Variants in ARHGAP18 observed in about 807,000 individuals in gnomAD.
ARHGAP18 encodes rho GTPase-activating protein 18.
ARHGAP18 carries 67 observed loss-of-function variants against 86.2 expected under a neutral mutation model. The observed-to-expected ratio is 0.78, with a 90% CI of 0.64 to 0.95. The LOEUF (loss-of-function observed/expected upper bound fraction) is 0.95. Ranked by LOEUF, ARHGAP18 falls within the 40% of genes least tolerant of loss-of-function variation. The pLI, the probability that ARHGAP18 is intolerant of heterozygous loss-of-function variation, is 0.00. For missense variants in ARHGAP18, 691 were observed against 780.4 expected (o/e 0.89, Z 1.37); for synonymous variants, 283 against 280.4 (o/e 1.01, Z -0.09).
chr6:129,644,720 C>T (rs1274835840), intron 1 of ARHGAP18, among the ~76,000 whole-genome samples: 1 of 152,196 alleles, frequency 6.6e-6, no homozygotes, highest in Non-Finnish European at 1.5e-5. Flanking sequence ...TACATTAAGC[C>T]TTTCACTCCT....
At chr6:129,615,270 T>C (rs1245696630) in intron 7 of ARHGAP18, among the ~76,000 whole-genome samples, 1 of 152,222 alleles carries the variant, frequency 6.6e-6, no homozygotes, top group Non-Finnish European at 1.5e-5. Flanking sequence ...TCTCCATAGA[T>C]ACATGTTCTG....
At chr6:129,647,697 G>A (rs1773608973) in intron 1 of ARHGAP18, among the ~76,000 whole-genome samples, 1 of 151,526 alleles carries the variant, frequency 6.6e-6, no homozygotes, top group African/African-American at 2.4e-5. Context: ...GCAGTGGGGT[G>A]GGGGTTCTTC....
chr6:129,698,583 C>A (rs1774659294), intron 1 of ARHGAP18, among the ~76,000 whole-genome samples: 1 of 151,306 alleles, frequency 6.6e-6, no homozygotes, highest in Non-Finnish European at 1.5e-5. Context: ...TGCTCTTTCA[C>A]CCAGGCTGGA....
At chr6:129,592,866 T>C (rs1292024633) in intron 12 of ARHGAP18, among the ~76,000 whole-genome samples, 1 of 152,138 alleles carries the variant, frequency 6.6e-6, no homozygotes, top group Non-Finnish European at 1.5e-5. Context: ...CCTTTAAAAT[T>C]CTAAAAGGAA....
intron 1 of ARHGAP18, among the ~76,000 whole-genome samples, chr6:129,673,382 T>A (rs1308143183): frequency 4.7e-5 from 7 of 148,452 alleles, no homozygotes; most frequent in Admixed American, 2.0e-4. Flanking sequence ...TTAAATAGAG[T>A]AGCCAAATCA....
intron 5 of ARHGAP18, among the ~76,000 whole-genome samples, chr6:129,621,404 C>T (rs1789225953): frequency 6.6e-6 from 1 of 152,154 alleles, no homozygotes; most frequent in Non-Finnish European, 1.5e-5. Flanking sequence ...ATCAAATAAA[C>T]AGCAATGGAC....
intron 5 of ARHGAP18, among the ~76,000 whole-genome samples, chr6:129,625,160 T>TG (rs1789344715): frequency 3.8e-5 from 2 of 52,940 alleles, no homozygotes; most frequent in Admixed American, 3.3e-4. Context: ...TATATAGATA[T>TG]ATATTATATA....
chr6:129,659,191 T>C (rs1014181084), intron 1 of ARHGAP18, among the ~76,000 whole-genome samples: 1 of 152,230 alleles, frequency 6.6e-6, no homozygotes, highest in African/African-American at 2.4e-5. Context: ...AAGTGTTCAA[T>C]GACCACAGGT....
intron 3 of ARHGAP18, 61 bp from the exon 4 acceptor site, chr6:129,634,166 G>A: frequency 4.8e-6 from 7 of 1,455,060 alleles, no homozygotes; most frequent in South Asian, 1.2e-5. Context: ...AAATGGTACT[G>A]TAAATAATTT....
intron 2 of ARHGAP18, 88 bp downstream of exon 2, chr6:129,641,728 A>ATT (rs141525787): frequency 5.9e-4 from 679 of 1,154,120 alleles, no homozygotes; most frequent in South Asian, 9.6e-4. Context: ...CCTAGCTTTA[A>ATT]TTTTTTTTTT....
intron 9 of ARHGAP18, 91 bp downstream of exon 9, chr6:129,607,802 G>C: frequency 7.3e-7 from 1 of 1,362,132 alleles, no homozygotes; most frequent in Non-Finnish European, 9.7e-7. Context: ...AAATACGTCT[G>C]GTTGCGTTCT....
At chr6:129,646,954 T>G (rs977947814) in intron 1 of ARHGAP18, among the ~76,000 whole-genome samples, 2 of 152,138 alleles carry the variant, frequency 1.3e-5, no homozygotes, top group African/African-American at 2.4e-5. Flanking sequence ...GGTCTGAAAA[T>G]GCACGTTTCA....
chr6:129,618,837 T>C lies in ARHGAP18; in HGVS notation c.802A>G (p.Lys268Glu), dbSNP rs1393430789. 1.9e-6 allele frequency: 3 copies of C among 1,612,104 alleles called. No homozygotes were observed. Among genetic ancestry groups the C allele is most frequent in the East Asian group, 2.2e-5 (1 of 44,868 alleles). ...DATLPSFRLPKDKTGTTRIGD... is the reference protein window; with the variant it reads ...DATLPSFRLPEDKTGTTRIGD... ...ATCCTTGTGGTACCCGTTTTGTCTT[T>C]TGGCAATCTGAAACTCTAAAATAAA... The change falls in exon 6 of 15, where the codon AAA becomes GAA. Residue 268 changes from lysine (K) to glutamate (E), a missense_variant. Lys to Glu is a moderately conservative substitution (Grantham distance 56). Coordinates refer to ENST00000368149, the MANE Select transcript of ARHGAP18 (RefSeq NM_033515.3).
chr6:129,621,384 C>T (rs1281369129), intron 5 of ARHGAP18, among the ~76,000 whole-genome samples: 1 of 151,932 alleles, frequency 6.6e-6, no homozygotes, highest in African/African-American at 2.4e-5. Flanking sequence ...GTTTTTTTTC[C>T]TAGGAGAACA....
rs189120982 is a variant in ARHGAP18 at position 129,598,359 on chromosome 6, A to G, written c.1713+857T>C. ...AGAGAAAAACTTCGTTTTTATGATT[A>G]CTGGATCCATAAGCAGGCCAAAACC... On this transcript the variant is annotated intron_variant, in intron 12 of 14. Coordinates refer to ENST00000368149, the MANE Select transcript of ARHGAP18 (RefSeq NM_033515.3). Among the ~76,000 whole-genome samples, 9 of 152,336 alleles carry G rather than the reference A, an allele frequency of 5.9e-5. No individual in the cohort carries two copies. In the East Asian group the frequency reaches 1.7e-3, roughly 29 times the overall value.
chr6:129,706,715 C>T (rs899064094), intron 1 of ARHGAP18, among the ~76,000 whole-genome samples: 9 of 150,948 alleles, frequency 6.0e-5, no homozygotes, highest in South Asian at 4.2e-4. Flanking sequence ...GGTGAAACCC[C>T]GTCTCTACTA....
chr6:129,665,283 G>A (rs146488750), intron 1 of ARHGAP18, among the ~76,000 whole-genome samples: 4,941 of 152,246 alleles, frequency 0.032, 251 homozygotes, highest in African/African-American at 0.11. Flanking sequence ...AGTGGCTCAC[G>A]CCTGTAATCC....
chr6:129,619,023 T>TA (rs975808569), intron 5 of ARHGAP18, among the ~76,000 whole-genome samples, 171 bp from the exon 6 acceptor site: 1 of 151,182 alleles, frequency 6.6e-6, no homozygotes, highest in Non-Finnish European at 1.5e-5. Flanking sequence ...TGACGACCCC[T>TA]AAAGCTGTGG....
chr6:129,593,641 T>A (rs1472097492), intron 12 of ARHGAP18, among the ~76,000 whole-genome samples: 1 of 152,176 alleles, frequency 6.6e-6, no homozygotes, highest in African/African-American at 2.4e-5. Context: ...TCAGGCCACA[T>A]GACTTCTGAG....
Sources: gnomAD v4.1 joint callset for allele counts (sites outside exome capture counted in the v4.1 genomes callset) on GRCh38, gnomAD v4.1.1 for gene constraint, MANE v1.5 for transcripts, NCBI Gene and HGNC (gene_info 2026-07-23, HGNC 2026-07-21) for gene names.